CEP83: variants seen among roughly 807,000 people sequenced by gnomAD.
CEP83 encodes centrosomal protein of 83 kDa.
CEP83 carries 70 observed loss-of-function variants against 101.9 expected under a neutral mutation model. That is an observed-to-expected ratio of 0.69 (90% CI 0.57 to 0.84). CEP83 has a LOEUF of 0.84. Ranked by LOEUF, CEP83 falls within the 40% of genes least tolerant of loss-of-function variation. CEP83 has a pLI of 0.00. For synonymous variants in CEP83, 264 were observed against 267.9 expected (o/e 0.99, Z 0.14); for missense variants, 715 against 787.2 (o/e 0.91, Z 1.10).
chr12:94,305,948 CTCTA>C (rs1968960808), downstream of CEP83: 1 of 152,150 alleles, frequency 6.6e-6, no homozygotes, highest in Non-Finnish European at 1.5e-5. Flanking sequence ...CACCAAGGAG[CTCTA>C]AAGTAAGGAG....
At chr12:94,277,475 A>C in the CEP83 span, among the ~76,000 whole-genome samples, 1 of 152,208 alleles carries the variant, frequency 6.6e-6, no homozygotes, top group South Asian at 2.1e-4. Flanking sequence ...CTCACATGCC[A>C]GATGCTGTTC....
At chr12:94,368,311 C>T in intron 9 of CEP83, 110 bp from the exon 10 acceptor site, 2 of 727,074 alleles carry the variant, frequency 2.8e-6, no homozygotes, top group Non-Finnish European at 2.2e-6. Flanking sequence ...TGTAGAAAGT[C>T]TCTACAAATA....
intron 2 of CEP83, chr12:94,423,950 A>AG: frequency 1.2e-6 from 2 of 1,612,676 alleles, no homozygotes; most frequent in South Asian, 1.1e-5. Context: ...TTGCTGGGTA[A>AG]GGGGTCCCAT....
chr12:94,298,821 G>T, the CEP83 span: 1 of 1,592,372 alleles, frequency 6.3e-7, no homozygotes, highest in Non-Finnish European at 8.6e-7. Context: ...ATTAGTGACT[G>T]TTTTCAAGAA....
intron 11 of CEP83, among the ~76,000 whole-genome samples, chr12:94,341,223 T>C (rs892335232): frequency 2.0e-5 from 3 of 152,100 alleles, no homozygotes; most frequent in Non-Finnish European, 4.4e-5. Context: ...AACACTTTCA[T>C]CAAAAGAAAA....
intron 6 of CEP83, among the ~76,000 whole-genome samples, chr12:94,399,507 C>T (rs148419333): frequency 2.0e-5 from 3 of 152,018 alleles, no homozygotes; most frequent in African/African-American, 4.8e-5. Flanking sequence ...GCCAGTAGTC[C>T]GAGATCAGCT....
At position 94,307,861 on chromosome 12, in the gene CEP83, T is replaced by C. The variant is rs1340605717; in HGVS notation, c.*952A>G. 6.6e-6 allele frequency: 1 copy of C among 152,208 alleles called. No individual in the cohort carries two copies. The highest frequency in any genetic ancestry group is 1.5e-5 in the Non-Finnish European group (1 of 68,038). The allele number at this position is 152,208 out of a possible 1,614,324, so 9.4% of individuals were successfully genotyped here. On this transcript the variant is annotated 3_prime_UTR_variant, in exon 17 of 17. Coordinates refer to ENST00000397809, the MANE Select transcript of CEP83 (RefSeq NM_016122.3). ...GACTGCTCAATTACAGTCCTGGCCT[T>C]CTTCACTATCAACTGGGACTTTTGA...
At chr12:94,407,231 C>T (rs2063598951) in intron 4 of CEP83, among the ~76,000 whole-genome samples, 1 of 151,922 alleles carries the variant, frequency 6.6e-6, no homozygotes, top group South Asian at 2.1e-4. Context: ...AAGTAATCTC[C>T]AAAAATTTTC....
chr12:94,290,288 G>A, the CEP83 span, among the ~76,000 whole-genome samples: 10 of 152,206 alleles, frequency 6.6e-5, no homozygotes, highest in African/African-American at 1.7e-4. Flanking sequence ...TCATAAACTC[G>A]GTGTCTGAGT....
chr12:94,406,623 A>G (rs1035934323), intron 4 of CEP83, among the ~76,000 whole-genome samples: 3 of 152,126 alleles, frequency 2.0e-5, no homozygotes, highest in African/African-American at 7.2e-5. Context: ...CATGTTGGAT[A>G]GAGATAAAAA....
At chr12:94,384,936 T>A (rs2062050401) in intron 6 of CEP83, among the ~76,000 whole-genome samples, 1 of 152,218 alleles carries the variant, frequency 6.6e-6, no homozygotes, top group South Asian at 2.1e-4. Context: ...ACCTTCCTAG[T>A]TCGTGGTGTG....
chr12:94,266,670 T>C, the CEP83 span, among the ~76,000 whole-genome samples: 2 of 152,376 alleles, frequency 1.3e-5, no homozygotes, highest in East Asian at 3.9e-4. Flanking sequence ...CTGTGTAATG[T>C]TGGGCAAGTT....
chr12:94,365,906 T>A (rs1291922534), intron 11 of CEP83, among the ~76,000 whole-genome samples: 1 of 151,964 alleles, frequency 6.6e-6, no homozygotes, highest in Non-Finnish European at 1.5e-5. Flanking sequence ...TATGAACTAA[T>A]CTGAAGCAGT....
At chr12:94,314,215 A>G (rs536866850) in intron 14 of CEP83, among the ~76,000 whole-genome samples, 31 of 152,304 alleles carry the variant, frequency 2.0e-4, no homozygotes, top group African/African-American at 7.5e-4. Context: ...GTATTTTCTA[A>G]CTCTTTTTTA....
intron 11 of CEP83, among the ~76,000 whole-genome samples, chr12:94,365,555 A>C (rs2060978950): frequency 6.6e-6 from 1 of 152,200 alleles, no homozygotes; most frequent in African/African-American, 2.4e-5. Context: ...AGATCACCCG[A>C]AGCCAGAAGT....
chr12:94,439,323 T>TAGAAACAAAATAGGAGATATCAA (rs1186560818), intron 1 of CEP83, among the ~76,000 whole-genome samples: 1 of 151,912 alleles, frequency 6.6e-6, no homozygotes, highest in Non-Finnish European at 1.5e-5. Flanking sequence ...ACAGCTCAAT[T>TAGAAACAAAATAGGAGATATCAA]AGAAACAAAA....
At chr12:94,417,473 C>A (rs1225548281) in intron 2 of CEP83, among the ~76,000 whole-genome samples, 1 of 152,012 alleles carries the variant, frequency 6.6e-6, no homozygotes, top group Non-Finnish European at 1.5e-5. Context: ...TATAATATCC[C>A]AAATGTCCAA....
intron 5 of CEP83, 97 bp from the exon 6 acceptor site, chr12:94,401,078 G>T: frequency 1.7e-6 from 1 of 599,982 alleles, no homozygotes; most frequent in Non-Finnish European, 2.5e-6. Flanking sequence ...ACATTATAAT[G>T]ATAGCCACTC....
the CEP83 span, among the ~76,000 whole-genome samples, chr12:94,273,319 C>T: frequency 1.3e-5 from 2 of 152,102 alleles, no homozygotes; most frequent in African/African-American, 4.8e-5. Context: ...TACAAGTCCT[C>T]CACCCATACT....
Sources: gnomAD v4.1 joint callset for allele counts (sites outside exome capture counted in the v4.1 genomes callset) on GRCh38, gnomAD v4.1.1 for gene constraint, MANE v1.5 for transcripts, NCBI Gene and HGNC (gene_info 2026-07-23, HGNC 2026-07-21) for gene names.